Variants in SKAP1 observed in about 807,000 individuals in gnomAD.
The protein encoded by SKAP1 is src kinase-associated phosphoprotein 1.
SKAP1 carries 44 observed loss-of-function variants against 58.5 expected under a neutral mutation model. That is an observed-to-expected ratio of 0.75 (90% CI 0.59 to 0.97). The LOEUF (loss-of-function observed/expected upper bound fraction) is 0.97, where lower values mean the gene tolerates loss of function less well. Ranked by LOEUF, SKAP1 falls within the 50% of genes least tolerant of loss-of-function variation. The probability of loss-of-function intolerance (pLI) is 0.00; values close to 1 mark genes in which losing one functional copy is unlikely to be tolerated. For missense variants in SKAP1, 390 were observed against 435.2 expected (o/e 0.90, Z 0.92); for synonymous variants, 127 against 149.7 (o/e 0.85, Z 1.11).
At chr17:48,389,960 A>T (rs1421489122) in intron 2 of SKAP1, among the ~76,000 whole-genome samples, 1 of 152,222 alleles carries the variant, frequency 6.6e-6, no homozygotes, top group Admixed American at 6.5e-5. Context: ...ACATTTATTT[A>T]AAAAAATAAT....
chr17:48,293,585 A>C (rs975906738), intron 4 of SKAP1, among the ~76,000 whole-genome samples: 1 of 152,220 alleles, frequency 6.6e-6, no homozygotes, highest in Non-Finnish European at 1.5e-5. Context: ...ATCCTGGTAC[A>C]TACGAGGTTC....
intron 4 of SKAP1, among the ~76,000 whole-genome samples, chr17:48,306,722 T>C (rs2066146815): frequency 6.6e-6 from 1 of 152,186 alleles, no homozygotes; most frequent in African/African-American, 2.4e-5. Context: ...AATTTTAGAA[T>C]GAATCAATAA....
At chr17:48,200,861 A>G (rs927174525) in intron 4 of SKAP1, among the ~76,000 whole-genome samples, 1 of 152,172 alleles carries the variant, frequency 6.6e-6, no homozygotes, top group Admixed American at 6.5e-5. Context: ...TTATTTGTAT[A>G]CTTGTTTCTC....
chr17:48,312,291 A>C (rs1195922500), intron 4 of SKAP1, among the ~76,000 whole-genome samples: 2 of 152,202 alleles, frequency 1.3e-5, no homozygotes, highest in African/African-American at 2.4e-5. Context: ...GTGAAAAAAA[A>C]CTTTTAATAT....
intron 1 of SKAP1, among the ~76,000 whole-genome samples, chr17:48,405,295 T>C (rs1230266002): frequency 1.3e-5 from 2 of 152,142 alleles, no homozygotes; most frequent in Non-Finnish European, 2.9e-5. Flanking sequence ...AAAAATATCA[T>C]TTCAATATGT....
At chr17:48,249,276 A>G (rs1047706487) in intron 4 of SKAP1, among the ~76,000 whole-genome samples, 3 of 152,242 alleles carry the variant, frequency 2.0e-5, no homozygotes, top group Non-Finnish European at 2.9e-5. Context: ...GTGATTTAGA[A>G]TAGAAATACC....
At chr17:48,399,775 A>AT (rs1179977274) in intron 1 of SKAP1, among the ~76,000 whole-genome samples, 1 of 151,538 alleles carries the variant, frequency 6.6e-6, no homozygotes, top group East Asian at 1.9e-4. Flanking sequence ...AAAAAAAAAA[A>AT]AATTAAAAAG....
At chr17:48,276,097 C>T (rs536987491) in intron 4 of SKAP1, among the ~76,000 whole-genome samples, 4 of 152,130 alleles carry the variant, frequency 2.6e-5, no homozygotes, top group East Asian at 1.9e-4. Flanking sequence ...AACTATCAAC[C>T]GTAGGTGACA....
chr17:48,411,706 G>T (rs144203271), intron 1 of SKAP1, among the ~76,000 whole-genome samples: 1 of 152,240 alleles, frequency 6.6e-6, no homozygotes, highest in Non-Finnish European at 1.5e-5. Flanking sequence ...GACGAAAATA[G>T]CACTTTTCCT....
intron 10 of SKAP1, among the ~76,000 whole-genome samples, chr17:48,166,031 T>C (rs1273824678): frequency 3.9e-5 from 6 of 152,176 alleles, no homozygotes; most frequent in Non-Finnish European, 8.8e-5. Flanking sequence ...AGCACTAATA[T>C]ATTCAGCATA....
chr17:48,343,304 T>A (rs956069438), intron 4 of SKAP1, among the ~76,000 whole-genome samples: 1 of 152,224 alleles, frequency 6.6e-6, no homozygotes, highest in African/African-American at 2.4e-5. Context: ...TAGAGATTGC[T>A]AAAAATTTTG....
chr17:48,419,946 C>T (rs1053066146), intron 1 of SKAP1, among the ~76,000 whole-genome samples: 2 of 152,112 alleles, frequency 1.3e-5, no homozygotes, highest in Non-Finnish European at 2.9e-5. Flanking sequence ...TAAGACCACT[C>T]TATTCCTGAG....
chr17:48,405,450 T>TTTCTTTCTTTCTTTCTTTTC lies in SKAP1; in HGVS notation c.47-8666_47-8665insGAAAAGAAAGAAAGAAAGAA, dbSNP rs1441641292. On this transcript the variant is annotated intron_variant, in intron 1 of 12. Transcript: ENST00000336915. Reference sequence around the variant, plus strand: ...CTTTCTTTCTTTCTTTCTTTCTTTCTTTTCTTTCTTTCTTTCCTTCCTTCC... The same window carrying TTTCTTTCTTTCTTTCTTTTC: ...CTTTCTTTCTTTCTTTCTTTCTTTCTTTCTTTCTTTCTTTCTTTTCTTTCTTTCTTTCTTTCCTTCCTTCC... 2.3e-4 allele frequency among the ~76,000 whole-genome samples: 22 copies of TTTCTTTCTTTCTTTCTTTTC among 94,050 alleles called. 1 individual carries two copies. Among genetic ancestry groups the TTTCTTTCTTTCTTTCTTTTC allele is most frequent in the South Asian group, 2.0e-3 (5 of 2,454 alleles). The allele number at this position is 94,050 out of a possible 152,430, so 61.7% of individuals were successfully genotyped here. A position where few individuals can be genotyped will look rare whatever the true frequency, so the allele number is the denominator to read the frequency against.
chr17:48,415,708 C>T (rs1359684212), intron 1 of SKAP1, among the ~76,000 whole-genome samples: 1 of 152,154 alleles, frequency 6.6e-6, no homozygotes, highest in South Asian at 2.1e-4. Context: ...GGGCCCCATT[C>T]CTGCCCTCAT....
At chr17:48,217,141 T>C (rs139631702) in intron 4 of SKAP1, among the ~76,000 whole-genome samples, 67 of 152,328 alleles carry the variant, frequency 4.4e-4, no homozygotes, top group African/African-American at 1.6e-3. Context: ...GACTTCTTCA[T>C]ACTGATCTCA....
intron 4 of SKAP1, among the ~76,000 whole-genome samples, chr17:48,344,705 A>G (rs1220634822): frequency 1.3e-5 from 2 of 152,236 alleles, no homozygotes; most frequent in Non-Finnish European, 2.9e-5. Flanking sequence ...CTATATTACA[A>G]ACCCCATTTT....
chr17:48,210,303 A>G (rs1426615726), intron 4 of SKAP1, among the ~76,000 whole-genome samples: 1 of 152,246 alleles, frequency 6.6e-6, no homozygotes, highest in Non-Finnish European at 1.5e-5. Flanking sequence ...AAAAAAGTGT[A>G]GATACCTGAA....
intron 4 of SKAP1, among the ~76,000 whole-genome samples, chr17:48,253,531 T>C (rs2065390474): frequency 6.6e-6 from 1 of 152,178 alleles, no homozygotes; most frequent in Non-Finnish European, 1.5e-5. Context: ...TTTATAGAGA[T>C]ATTATGGTTG....
chr17:48,424,034 C>G (rs1483297201), intron 1 of SKAP1, among the ~76,000 whole-genome samples: 1 of 152,078 alleles, frequency 6.6e-6, no homozygotes, highest in Non-Finnish European at 1.5e-5. Flanking sequence ...ATTTGAGCTG[C>G]TATAACAAAA....
Sources: allele counts gnomAD v4.1 joint callset (sites outside exome capture counted in the v4.1 genomes callset), GRCh38; gene constraint gnomAD v4.1.1; transcripts MANE v1.5; gene names NCBI Gene and HGNC (gene_info 2026-07-23, HGNC 2026-07-21).